Variants in SMAP2 observed in about 807,000 individuals in gnomAD.
SMAP2 encodes stromal membrane-associated protein 2.
A neutral mutation model predicts 56.4 loss-of-function variants in SMAP2; 25 were observed. The ratio of observed to expected loss-of-function variants is 0.44; its 90% CI spans 0.32 to 0.62. The LOEUF is 0.62. SMAP2 is among the 20% of genes least tolerant of loss of function. The pLI, the probability that SMAP2 is intolerant of heterozygous loss-of-function variation, is 0.04. For synonymous variants in SMAP2, 157 were observed against 181.7 expected, an observed-to-expected ratio of 0.86 and a Z score of 1.09; for missense variants, 388 against 545.6, an observed-to-expected ratio of 0.71 and a Z score of 2.88.
Position 40,408,549 on chromosome 1 carries a change from C to G in SMAP2, c.238-104C>G. 1 of 859,760 alleles carries G rather than the reference C, an allele frequency of 1.2e-6. No individual in the cohort carries two copies. The highest frequency in any genetic ancestry group is 1.7e-5 in the African/African-American group (1 of 59,404). 53.3% of individuals were successfully genotyped at this position (859,760 alleles called of 1,614,324 possible). On this transcript the variant is annotated intron_variant, in intron 2 of 9. Coordinates refer to ENST00000372718, the MANE Select transcript of SMAP2 (RefSeq NM_022733.3). This position sits in a 1 kb window ranked among gnomAD's most constrained non-coding sequence, Gnocchi z 4.3. ...AAGTTTAAATGTTGGTTCTGACACTCTCTAGGTTGGTTCTTCAATTGTACA... is the reference window on the plus strand; with the variant it reads ...AAGTTTAAATGTTGGTTCTGACACTGTCTAGGTTGGTTCTTCAATTGTACA...
chr1:40,409,311 CT>C (rs1449363045), intron 3 of SMAP2, among the ~76,000 whole-genome samples: 1 of 152,020 alleles, frequency 6.6e-6, no homozygotes, highest in Non-Finnish European at 1.5e-5. Context: ...CAGGTGGAAC[CT>C]GTTAAATGCA....
In SMAP2 at chr1:40,416,346, A is replaced by C. The variant is rs757989481; in HGVS notation, c.847+5A>C. On this transcript the variant is annotated splice_donor_5th_base_variant and intron_variant, in intron 8 of 9. Coordinates refer to ENST00000372718, the MANE Select transcript of SMAP2 (RefSeq NM_022733.3). ...CGCCTCAAATGCCTACTCAAGGTAG[A>C]TTTCATGGGTGTCATGGCCATGTGC... 6.2e-7 allele frequency: 1 copy of C among 1,610,722 alleles called. No homozygotes were observed. The highest frequency in any genetic ancestry group is 1.3e-5 in the African/African-American group (1 of 74,686).
intron 1 of SMAP2, chr1:40,393,419 G>A: frequency 6.5e-7 from 1 of 1,535,658 alleles, no homozygotes; most frequent in Non-Finnish European, 8.7e-7. Flanking sequence ...AAGGCTTCAT[G>A]GGGAAAGTGG....
At chr1:40,382,465 A>G (rs1319242216) in intron 1 of SMAP2, among the ~76,000 whole-genome samples, 3 of 152,184 alleles carry the variant, frequency 2.0e-5, no homozygotes. Context: ...TATGCTTTAC[A>G]CTGTAAGCAT....
chr1:40,355,136 T>C (rs1285362930), intron 1 of SMAP2, among the ~76,000 whole-genome samples: 1 of 152,044 alleles, frequency 6.6e-6, no homozygotes, highest in Non-Finnish European at 1.5e-5. Flanking sequence ...CTGATACTGA[T>C]AAAGAATAAT....
In SMAP2 at chr1:40,417,107, C is replaced by A. The variant is rs748970422; in HGVS notation, c.1164+11C>A. On this transcript the variant is annotated intron_variant, in intron 9 of 9. Coordinates refer to ENST00000372718, the MANE Select transcript of SMAP2 (RefSeq NM_022733.3). ...TGGAACCTTACTCAGGTAAGCTACC[C>A]CATTTTACTTGCAGCAAGAGTTTTG... 5 of 1,583,842 alleles carry A rather than the reference C, an allele frequency of 3.2e-6. No individual in the cohort carries two copies. Among genetic ancestry groups the A allele is most frequent in the Non-Finnish European group, 4.3e-6 (5 of 1,157,564 alleles).
chr1:40,354,110 CTT>C (rs781099839), intron 1 of SMAP2, among the ~76,000 whole-genome samples: 5 of 152,094 alleles, frequency 3.3e-5, no homozygotes, highest in Non-Finnish European at 7.3e-5. Flanking sequence ...ATAAACCACT[CTT>C]TAAGCTACTG....
chr1:40,351,410 G>T (rs1000866815), intron 1 of SMAP2, among the ~76,000 whole-genome samples: 1 of 152,202 alleles, frequency 6.6e-6, no homozygotes, highest in Non-Finnish European at 1.5e-5. Context: ...CCTGGATCTA[G>T]AGTCTGTTCA....
intron 4 of SMAP2, among the ~76,000 whole-genome samples, chr1:40,410,755 A>G (rs1265816803): frequency 3.3e-5 from 5 of 152,212 alleles, no homozygotes; most frequent in Non-Finnish European, 5.9e-5. Context: ...GGGGACAGAC[A>G]GCATGATTTC....
chr1:40,374,577 T>C lies in SMAP2; in HGVS notation c.103+354T>C. ...CTTGCAAAGCTGGGGATGAACTGCA[T>C]TGCGTGCGTGCGTGCGTGCGTGTGT... On this transcript the variant is annotated intron_variant, in intron 1 of 9. Coordinates refer to ENST00000372718, the MANE Select transcript of SMAP2 (RefSeq NM_022733.3). The surrounding 1 kb of genome is among the most constrained non-coding windows in gnomAD (Gnocchi z 5.9). The C allele has an allele frequency of 1.1e-6, 1 of 927,252 alleles. No individual in the cohort carries two copies. Among genetic ancestry groups the C allele is most frequent in the Non-Finnish European group, 1.7e-6 (1 of 600,986 alleles). 57.4% of individuals were successfully genotyped at this position (927,252 alleles called of 1,614,324 possible).
intron 1 of SMAP2, among the ~76,000 whole-genome samples, chr1:40,404,316 G>C (rs1644864707): frequency 6.6e-6 from 1 of 152,164 alleles, no homozygotes; most frequent in South Asian, 2.1e-4. Context: ...TTTCACAAGG[G>C]ATGTCAGGTA....
intron 1 of SMAP2, among the ~76,000 whole-genome samples, chr1:40,356,987 T>A (rs1292397277): frequency 6.6e-6 from 1 of 151,796 alleles, no homozygotes; most frequent in South Asian, 2.1e-4. Context: ...CTGTTCAGAT[T>A]TTTTGCCCAT....
At chr1:40,345,218 A>G (rs1644380877) in intron 1 of SMAP2, among the ~76,000 whole-genome samples, 1 of 152,022 alleles carries the variant, frequency 6.6e-6, no homozygotes, top group Non-Finnish European at 1.5e-5. Flanking sequence ...AGCCTGGGCA[A>G]CATAGCAAGC....
chr1:40,398,578 A>G (rs922558223), intron 1 of SMAP2, among the ~76,000 whole-genome samples: 1 of 152,254 alleles, frequency 6.6e-6, no homozygotes, highest in Non-Finnish European at 1.5e-5. Context: ...TTTCATAAAG[A>G]TGTAATAATG....
At chr1:40,379,401 G>GT (rs1290480666) in intron 1 of SMAP2, among the ~76,000 whole-genome samples, 1 of 152,092 alleles carries the variant, frequency 6.6e-6, no homozygotes, top group African/African-American at 2.4e-5. Context: ...CTTGACATCT[G>GT]TATTTTTCAA....
Position 40,374,607 on chromosome 1 carries a change from GT to G in SMAP2, c.103+385del. Reference sequence around the variant, plus strand: ...TGCGTGCGTGCGTGCGTGTGTGTGTGTGTGTGTGTGTGTGTGTGAGAGAGAG... The same window carrying G: ...TGCGTGCGTGCGTGCGTGTGTGTGTGGTGTGTGTGTGTGTGTGAGAGAGAG... On this transcript the variant is annotated intron_variant, in intron 1 of 9. Coordinates refer to ENST00000372718, the MANE Select transcript of SMAP2 (RefSeq NM_022733.3). This position sits in a 1 kb window ranked among gnomAD's most constrained non-coding sequence, Gnocchi z 5.9. 1.4e-6 allele frequency: 2 copies of G among 1,386,066 alleles called. No homozygotes were observed. The highest frequency in any genetic ancestry group is 2.0e-6 in the Non-Finnish European group (2 of 1,000,122). The allele number at this position is 1,386,066 out of a possible 1,614,324, so 85.9% of individuals were successfully genotyped here.
chr1:40,399,349 G>C (rs1167749941), intron 1 of SMAP2, among the ~76,000 whole-genome samples: 2 of 129,794 alleles, frequency 1.5e-5, no homozygotes, highest in East Asian at 4.4e-4. Context: ...TAGTAGAGAT[G>C]GGGTTTCACC....
intron 3 of SMAP2, among the ~76,000 whole-genome samples, chr1:40,409,370 G>A (rs910399786): frequency 6.6e-6 from 1 of 152,174 alleles, no homozygotes; most frequent in East Asian, 1.9e-4. Context: ...TGGCAGTGGG[G>A]CACAAGAGTT....
At chr1:40,356,688 G>A (rs905155131) in intron 1 of SMAP2, among the ~76,000 whole-genome samples, 6 of 152,146 alleles carry the variant, frequency 3.9e-5, no homozygotes, top group African/African-American at 1.2e-4. Context: ...GGGATTACAG[G>A]CGTGAGCCAC....
Sources: allele counts gnomAD v4.1 joint callset (sites outside exome capture counted in the v4.1 genomes callset), GRCh38; gene constraint gnomAD v4.1.1; non-coding constraint Gnocchi (gnomAD v3.1); transcripts MANE v1.5; gene names NCBI Gene and HGNC (gene_info 2026-07-23, HGNC 2026-07-21).